LRBA: variants seen among roughly 807,000 people sequenced by gnomAD.
LRBA encodes LPS responsive beige-like anchor protein, also known as lipopolysaccharide-responsive and beige-like anchor protein.
A neutral mutation model predicts 330.0 loss-of-function variants in LRBA; 176 were observed. The observed-to-expected ratio is 0.53, with a 90% confidence interval of 0.47 to 0.60. The LOEUF (loss-of-function observed/expected upper bound fraction) is 0.60, where lower values mean the gene tolerates loss of function less well. Ranked by LOEUF, LRBA falls within the 20% of genes least tolerant of loss-of-function variation. The pLI is 0.00. For synonymous variants in LRBA, 1,230 were observed against 1,193.0 expected (o/e 1.03, Z -0.64); for missense variants, 3,259 against 3,444.8 (o/e 0.95, Z 1.35).
intron 2 of LRBA, among the ~76,000 whole-genome samples, chr4:151,006,991 C>T (rs1280566668): frequency 6.6e-6 from 1 of 152,072 alleles, no homozygotes; most frequent in Non-Finnish European, 1.5e-5. Context: ...CCCAGAATAG[C>T]CAAAACTGTC....
intron 47 of LRBA, among the ~76,000 whole-genome samples, chr4:150,405,446 TG>T (rs1323411368): frequency 1.3e-5 from 2 of 152,166 alleles, no homozygotes; most frequent in Admixed American, 1.3e-4. Flanking sequence ...AAACTTTTAC[TG>T]TATGATGTTT....
intron 2 of LRBA, among the ~76,000 whole-genome samples, chr4:150,948,781 CAGA>C (rs1001321118): frequency 6.6e-6 from 1 of 151,742 alleles, no homozygotes; most frequent in Non-Finnish European, 1.5e-5. Context: ...AGAAAATGTG[CAGA>C]AGAACGTTTC....
At chr4:150,358,764 A>G (rs577965895) in intron 47 of LRBA, among the ~76,000 whole-genome samples, 20 of 152,318 alleles carry the variant, frequency 1.3e-4, no homozygotes, top group Non-Finnish European at 2.8e-4. Flanking sequence ...TTATATAGTC[A>G]GTTACAAAAG....
intron 53 of LRBA, among the ~76,000 whole-genome samples, chr4:150,289,813 G>A (rs1748615527): frequency 6.6e-6 from 1 of 152,150 alleles, no homozygotes; most frequent in Non-Finnish European, 1.5e-5. Context: ...GCTTGAAATA[G>A]TTACACTTCA....
At chr4:150,984,444 G>A (rs966718629) in intron 2 of LRBA, among the ~76,000 whole-genome samples, 1 of 152,174 alleles carries the variant, frequency 6.6e-6, no homozygotes, top group African/African-American at 2.4e-5. Context: ...GGAAGGCGGA[G>A]GTTGTGGTGA....
At chr4:150,922,394 G>GTATATATATATATATATATATATA (rs56340108) in intron 4 of LRBA, among the ~76,000 whole-genome samples, 52 of 139,704 alleles carry the variant, frequency 3.7e-4, no homozygotes, top group African/African-American at 1.3e-3. Context: ...AGAAACTGTG[G>GTATATATATATATATATATATATA]TATATATATA....
intron 19 of LRBA, 63 bp from the exon 20 acceptor site, chr4:150,870,669 C>T: frequency 1.3e-6 from 1 of 776,498 alleles, no homozygotes; most frequent in South Asian, 1.5e-5. Context: ...TATTAATGAA[C>T]TTTAAGTGCA....
intron 43 of LRBA, among the ~76,000 whole-genome samples, 196 bp from the exon 44 acceptor site, chr4:150,467,981 T>C (rs544667952): frequency 2.0e-5 from 3 of 151,948 alleles, no homozygotes; most frequent in Non-Finnish European, 4.4e-5. Context: ...GATGAAAAAA[T>C]TGAGTCACAA....
rs546666392 is a variant in LRBA, at chr4:151,008,493, T to C, written c.216+5934A>G. On this transcript the variant is annotated intron_variant, in intron 2 of 56. Coordinates refer to ENST00000651943, the MANE Select transcript of LRBA (RefSeq NM_001364905.1). ...AATCTGAGCATACTCAGATAAGTCC[T>C]GCAATGGCCCTGTGGAACCCAGTGA... Among the ~76,000 whole-genome samples the C allele has an allele frequency of 9.9e-5, 15 of 152,228 alleles. No homozygotes were observed. In the South Asian group the frequency reaches 2.3e-3, roughly 23 times the overall value.
At chr4:150,740,118 C>T (rs1223469881) in intron 35 of LRBA, among the ~76,000 whole-genome samples, 1 of 151,962 alleles carries the variant, frequency 6.6e-6, no homozygotes, top group African/African-American at 2.4e-5. Context: ...TAAAAGAATA[C>T]ATCATAATGG....
chr4:150,683,888 C>T (rs377539183), intron 36 of LRBA, 171 bp from the exon 37 acceptor site: 1 of 551,042 alleles, frequency 1.8e-6, no homozygotes, highest in Non-Finnish European at 3.2e-6. Context: ...AAACATCCCA[C>T]AAGAATTTAC....
intron 13 of LRBA, among the ~76,000 whole-genome samples, chr4:150,900,779 C>T (rs547625681): frequency 1.3e-5 from 2 of 152,208 alleles, no homozygotes; most frequent in East Asian, 3.9e-4. Context: ...TAGCTCATTA[C>T]AAGAAACATT....
rs111545160 is a variant in LRBA at position 150,753,880 on chromosome 4, A to G, written c.5645+7903T>C. 5.0e-3 allele frequency among the ~76,000 whole-genome samples: 766 copies of G among 152,202 alleles called. 8 individuals carry two copies. Among genetic ancestry groups the G allele is most frequent in the African/African-American group, 0.018 (736 of 41,538 alleles). ...CAGGAGTTCAAGACCAGTCTTGGCA[A>G]CATGGCAAAACACCAACTCTACAAA... On this transcript the variant is annotated intron_variant, in intron 35 of 56. Transcript: ENST00000651943.
chr4:150,350,069 C>T lies in LRBA; in HGVS notation c.7285G>A (p.Ala2429Thr). The T allele has an allele frequency of 6.2e-7, 1 of 1,613,024 alleles. No individual in the cohort carries two copies. The highest frequency in any genetic ancestry group is 8.5e-7 in the Non-Finnish European group (1 of 1,179,440). ...YKQQGPEAVR[A>T]LNVFYYLTYE... ...GTCAAGTAATAGAACACATTGAGGGCTCGGACAGCTTCTGGTCCTTGCTGT... is the reference window on the plus strand; with the variant it reads ...GTCAAGTAATAGAACACATTGAGGGTTCGGACAGCTTCTGGTCCTTGCTGT... Residue 2429 changes from alanine to threonine, a missense_variant, in exon 48 of 57, where the codon GCC (alanine) becomes ACC (threonine). Ala to Thr is a moderately conservative substitution (Grantham distance 58, BLOSUM62 0). Transcript: ENST00000651943.
chr4:150,968,925 A>G (rs1443018495), intron 2 of LRBA, among the ~76,000 whole-genome samples: 2 of 152,228 alleles, frequency 1.3e-5, no homozygotes, highest in African/African-American at 4.8e-5. Flanking sequence ...CTCACAAACC[A>G]TTCTGAAAAT....
intron 41 of LRBA, among the ~76,000 whole-genome samples, chr4:150,489,105 T>TA (rs1758319092): frequency 6.6e-5 from 2 of 30,368 alleles, no homozygotes; most frequent in South Asian, 1.5e-3. Context: ...ATACAATATA[T>TA]TATATATCAT....
At position 150,583,769 on chromosome 4, in the gene LRBA, G is replaced by T. The variant is rs587777514; in HGVS notation, c.6330+4279C>A. 5 of 1,614,058 alleles carry T rather than the reference G, an allele frequency of 3.1e-6. No individual in the cohort carries two copies. The highest frequency in any genetic ancestry group is 3.4e-6 in the Non-Finnish European group (4 of 1,180,000). On this transcript the variant is annotated intron_variant, in intron 40 of 56. Transcript: ENST00000651943. The surrounding 1 kb of genome is among the most constrained non-coding windows in gnomAD (Gnocchi z 9.8). ...AACCGCCTGCTGATGGGCGGCTGCC[G>T]AAACAAGTGCCTCTCAGTGCTGAAG...
intron 37 of LRBA, among the ~76,000 whole-genome samples, chr4:150,616,361 G>A (rs1195590582): frequency 6.6e-6 from 1 of 152,116 alleles, no homozygotes; most frequent in Non-Finnish European, 1.5e-5. Flanking sequence ...GAACCAGCAA[G>A]GAATTTTGAA....
chr4:150,639,771 A>ATGTGTG (rs1440655217), intron 37 of LRBA, among the ~76,000 whole-genome samples: 2 of 8,028 alleles, frequency 2.5e-4, no homozygotes, highest in African/African-American at 5.3e-4. Flanking sequence ...ATATATATAT[A>ATGTGTG]TATATATATA....
Sources: allele counts gnomAD v4.1 joint callset (sites outside exome capture counted in the v4.1 genomes callset), GRCh38; gene constraint gnomAD v4.1.1; non-coding constraint Gnocchi (gnomAD v3.1); transcripts MANE v1.5; gene names NCBI Gene and HGNC (gene_info 2026-07-23, HGNC 2026-07-21).